EXOC6: variants seen among roughly 807,000 people sequenced by gnomAD.
EXOC6 encodes SEC15-like 1.
Under a neutral mutation model 112.5 loss-of-function variants are expected in EXOC6, and 60 were observed. That is an observed-to-expected ratio of 0.53 (90% confidence interval 0.43 to 0.66). EXOC6 has a LOEUF of 0.66. Among genes scored for constraint, EXOC6 ranks in the 30% least tolerant of loss-of-function variants. The pLI is 0.00. For missense variants in EXOC6, 855 were observed against 957.1 expected (o/e 0.89, Z 1.41); for synonymous variants, 295 against 308.0 (o/e 0.96, Z 0.44).
chr10:92,917,852 C>T (rs972187003), intron 7 of EXOC6, among the ~76,000 whole-genome samples: 23 of 152,270 alleles, frequency 1.5e-4, no homozygotes, highest in Admixed American at 1.0e-3. Flanking sequence ...CTATTGCTTT[C>T]GAAAGTTTTT....
chr10:92,907,855 C>A (rs1158232779), intron 5 of EXOC6, among the ~76,000 whole-genome samples: 8 of 152,008 alleles, frequency 5.3e-5, no homozygotes, highest in Non-Finnish European at 1.0e-4. Flanking sequence ...CCCATACCAC[C>A]ACCTAAATAT....
chr10:92,840,108 G>A (rs1448167467), intron 1 of EXOC6, among the ~76,000 whole-genome samples: 2 of 139,072 alleles, frequency 1.4e-5, no homozygotes, highest in East Asian at 3.9e-4. Flanking sequence ...GTGCTTTTAG[G>A]AAAGGAAAGA....
intron 19 of EXOC6, among the ~76,000 whole-genome samples, chr10:93,012,165 A>G (rs1216474251): frequency 1.3e-5 from 2 of 152,154 alleles, no homozygotes; most frequent in Non-Finnish European, 2.9e-5. Context: ...AGAGGCCCTT[A>G]CTTAGGTTGT....
At chr10:93,047,426 C>G (rs753227805) in intron 20 of EXOC6, among the ~76,000 whole-genome samples, 30 of 152,026 alleles carry the variant, frequency 2.0e-4, no homozygotes, top group African/African-American at 7.3e-4. Flanking sequence ...ATCCTAGCTA[C>G]TCGGGAGGCT....
chr10:92,977,452 T>G (rs1842670557), intron 18 of EXOC6, among the ~76,000 whole-genome samples: 1 of 152,080 alleles, frequency 6.6e-6, no homozygotes, highest in African/African-American at 2.4e-5. Flanking sequence ...GATGATACTG[T>G]ATTCCTACCC....
intron 4 of EXOC6, among the ~76,000 whole-genome samples, chr10:92,896,834 G>T (rs1849855397): frequency 6.6e-6 from 1 of 152,112 alleles, no homozygotes; most frequent in Admixed American, 6.5e-5. Flanking sequence ...GGGATTACAG[G>T]TGTAAGCCAC....
chr10:92,875,711 A>G (rs903723294), intron 1 of EXOC6, among the ~76,000 whole-genome samples: 10 of 152,156 alleles, frequency 6.6e-5, no homozygotes, highest in Non-Finnish European at 1.5e-4. Context: ...ATCATTGTTG[A>G]CATTAATTTG....
chr10:92,895,368 C>T (rs2133819245), intron 4 of EXOC6, among the ~76,000 whole-genome samples: 1 of 152,178 alleles, frequency 6.6e-6, no homozygotes, highest in Non-Finnish European at 1.5e-5. Flanking sequence ...CTCACCTTTA[C>T]CTAATTTGCC....
chr10:92,910,328 G>A (rs1474318029), intron 6 of EXOC6, among the ~76,000 whole-genome samples: 3 of 152,176 alleles, frequency 2.0e-5, no homozygotes, highest in Non-Finnish European at 4.4e-5. Context: ...GCAACAACAT[G>A]TATGAATCTC....
At chr10:93,030,209 A>G (rs1326449957) in intron 20 of EXOC6, among the ~76,000 whole-genome samples, 1 of 151,904 alleles carries the variant, frequency 6.6e-6, no homozygotes, top group East Asian at 1.9e-4. Flanking sequence ...CGACTAGCCT[A>G]GTTTTTTCTG....
chr10:93,001,454 C>T (rs1339325614), intron 19 of EXOC6, among the ~76,000 whole-genome samples: 1 of 152,188 alleles, frequency 6.6e-6, no homozygotes, highest in Non-Finnish European at 1.5e-5. Context: ...CACTTTCTCT[C>T]TAAATTTCTC....
chr10:92,881,729 C>T lies in EXOC6; in HGVS notation c.102-11620C>T, dbSNP rs118158322. Among the ~76,000 whole-genome samples the T allele has an allele frequency of 2.8e-3, 421 of 152,256 alleles. 1 individual carries two copies. The highest frequency in any genetic ancestry group is 4.9e-3 in the Non-Finnish European group (330 of 68,022). On this transcript the variant is annotated intron_variant, in intron 1 of 21. Coordinates refer to ENST00000260762, the MANE Select transcript of EXOC6 (RefSeq NM_019053.6). ...AAATCTCTTCTTAAATTATAGTTCCCATAATCCCCAATAGTCATGAGATGG... is the reference window on the plus strand; with the variant it reads ...AAATCTCTTCTTAAATTATAGTTCCTATAATCCCCAATAGTCATGAGATGG...
chr10:92,864,046 T>C (rs61860826), intron 1 of EXOC6, among the ~76,000 whole-genome samples: 3,344 of 152,160 alleles, frequency 0.022, 54 homozygotes, highest in African/African-American at 0.041. Flanking sequence ...CATAGATAAC[T>C]TGATTGTGAA....
intron 1 of EXOC6, among the ~76,000 whole-genome samples, chr10:92,852,624 A>G (rs1847406513): frequency 6.6e-6 from 1 of 152,220 alleles, no homozygotes; most frequent in Non-Finnish European, 1.5e-5. Context: ...CTGGCTTAAC[A>G]TTTGAAAAAT....
chr10:93,007,042 A>G (rs1380047775), intron 19 of EXOC6, among the ~76,000 whole-genome samples: 3 of 148,880 alleles, frequency 2.0e-5, no homozygotes. Context: ...TGTTTTCTAT[A>G]TCTACATTGT....
chr10:92,995,721 A>G (rs1466113766), intron 18 of EXOC6, among the ~76,000 whole-genome samples: 7 of 152,156 alleles, frequency 4.6e-5, no homozygotes, highest in Non-Finnish European at 5.9e-5. Context: ...GGGATCTTGG[A>G]TCATGCTGGG....
chr10:92,892,318 T>C (rs973420326), intron 1 of EXOC6, among the ~76,000 whole-genome samples: 1 of 152,196 alleles, frequency 6.6e-6, no homozygotes, highest in African/African-American at 2.4e-5. Flanking sequence ...CTTTCAGTTG[T>C]CCTTTCTCAG....
At chr10:92,849,410 A>G (rs1348630988) in intron 1 of EXOC6, among the ~76,000 whole-genome samples, 1 of 152,248 alleles carries the variant, frequency 6.6e-6, no homozygotes, top group African/African-American at 2.4e-5. Context: ...TAGGTAATGC[A>G]TATTCCATGC....
At chr10:92,910,310 CTGCTA>C (rs1850671739) in intron 6 of EXOC6, among the ~76,000 whole-genome samples, 1 of 152,194 alleles carries the variant, frequency 6.6e-6, no homozygotes, top group Admixed American at 6.5e-5. Context: ...GAATGAATTA[CTGCTA>C]ATGCAACAAC....
Sources: allele counts gnomAD v4.1 joint callset (sites outside exome capture counted in the v4.1 genomes callset), GRCh38; gene constraint gnomAD v4.1.1; transcripts MANE v1.5; gene names NCBI Gene and HGNC (gene_info 2026-07-23, HGNC 2026-07-21).